The following ENPP6 variants were observed in gnomAD, a reference collection of about 807,000 sequenced individuals.
ENPP6 encodes ectonucleotide pyrophosphatase/phosphodiesterase 6.
Under a neutral mutation model 42.0 loss-of-function variants are expected in ENPP6, and 32 were observed. The observed-to-expected ratio is 0.76, with a 90% CI of 0.58 to 1.02. ENPP6 has a LOEUF of 1.02. Among genes scored for constraint, ENPP6 ranks in the 50% least tolerant of loss-of-function variants. ENPP6 has a pLI of 0.00. For synonymous variants in ENPP6, 213 were observed against 216.0 expected, an observed-to-expected ratio of 0.99 and a Z score of 0.12; for missense variants, 552 against 566.8, an observed-to-expected ratio of 0.97 and a Z score of 0.27.
At position 184,113,901 on chromosome 4, in the gene ENPP6, T is replaced by TTCTTTCTTTCTTTCTTTC. The variant is rs1560981823; in HGVS notation, c.856-1110_856-1093dup. On this transcript the variant is annotated intron_variant, in intron 5 of 7. Transcript: ENST00000296741. The stretch of plus-strand genomic sequence containing the variant: ...TTTCTTTTTCCTTCCTTTCTTTCTT[T>TTCTTTCTTTCTTTCTTTC]TCTTTCTTTCTTTCTTTCTTTCTTT... Among the ~76,000 whole-genome samples the TTCTTTCTTTCTTTCTTTC allele has an allele frequency of 1.1e-3, 66 of 61,054 alleles. 1 individual carries two copies. The highest frequency in any genetic ancestry group is 0.011 in the Admixed American group (58 of 5,432). The allele number at this position is 61,054 out of a possible 152,430, so 40.1% of individuals were successfully genotyped here.
At position 184,214,963 on chromosome 4, in the gene ENPP6, C is replaced by T. The variant is rs191148889; in HGVS notation, c.241+2616G>A. Reference sequence around the variant, plus strand: ...TGTATGCCTCTGTAACAAAACTGCACGTTCTGCACATGTGTCCCAGAATTT... The same window carrying T: ...TGTATGCCTCTGTAACAAAACTGCATGTTCTGCACATGTGTCCCAGAATTT... On this transcript the variant is annotated intron_variant, in intron 1 of 7. Transcript: ENST00000296741. Among the ~76,000 whole-genome samples, 6 of 152,240 alleles carry T rather than the reference C, an allele frequency of 3.9e-5. No homozygotes were observed. The East Asian group carries it at 5.8e-4, about 15-fold the overall frequency.
At chr4:184,130,763 T>C (rs948027552) in intron 2 of ENPP6, among the ~76,000 whole-genome samples, 2 of 151,936 alleles carry the variant, frequency 1.3e-5, no homozygotes, top group African/African-American at 2.4e-5. Flanking sequence ...TTATTATTAC[T>C]TATCTTAATG....
chr4:184,102,204 G>A lies in ENPP6; in HGVS notation c.994-4836C>T, dbSNP rs574726435. On this transcript the variant is annotated intron_variant, in intron 6 of 7. Coordinates refer to ENST00000296741, the MANE Select transcript of ENPP6 (RefSeq NM_153343.4). ...GTTCGACACTTGCCAGGGCCCATCC[G>A]TTTGCATTCAGCATTGTAGGATTCC... 2.2e-3 allele frequency among the ~76,000 whole-genome samples: 335 copies of A among 152,288 alleles called. 2 individuals are homozygous for A. The South Asian group carries it at 0.038, about 17-fold the overall frequency.
intron 7 of ENPP6, among the ~76,000 whole-genome samples, chr4:184,096,196 G>C (rs1434614432): frequency 6.6e-6 from 1 of 152,210 alleles, no homozygotes; most frequent in Non-Finnish European, 1.5e-5. Context: ...GGATTTTGTG[G>C]AAAGTAGAGT....
chr4:184,131,188 T>TCTTTCTTTCTTTCTTTCTTTCTTC lies in ENPP6; in HGVS notation c.422-6917_422-6916insGAAGAAAGAAAGAAAGAAAGAAAG, dbSNP rs1560987218. Among the ~76,000 whole-genome samples, 28 of 63,870 alleles carry TCTTTCTTTCTTTCTTTCTTTCTTC rather than the reference T, an allele frequency of 4.4e-4. 1 individual carries two copies. The highest frequency in any genetic ancestry group is 1.9e-3 in the African/African-American group (27 of 14,542). 41.9% of individuals were successfully genotyped at this position (63,870 alleles called of 152,430 possible). A position where few individuals can be genotyped will look rare whatever the true frequency, so the allele number is the denominator to read the frequency against. On this transcript the variant is annotated intron_variant, in intron 2 of 7. Coordinates refer to ENST00000296741, the MANE Select transcript of ENPP6 (RefSeq NM_153343.4). ...TTCTTTCTTTCTTTCTTTCTTTCTT[T>TCTTTCTTTCTTTCTTTCTTTCTTC]CTTTCTTTCTTTCTTCTTTCTTTCT...
At chr4:184,131,194 TTTCTTTC>T (rs758908889) in intron 2 of ENPP6, among the ~76,000 whole-genome samples, 3,832 of 60,146 alleles carry the variant, frequency 0.064, 179 homozygotes, top group Non-Finnish European at 0.081. Context: ...TCTTTCTTTC[TTTCTTTC>T]TTCTTTCTTT....
intron 2 of ENPP6, among the ~76,000 whole-genome samples, chr4:184,146,101 T>A (rs1736915288): frequency 6.6e-6 from 1 of 152,008 alleles, no homozygotes; most frequent in Non-Finnish European, 1.5e-5. Flanking sequence ...CAGTTCATTT[T>A]CAGCCAATTT....
At chr4:184,181,284 T>G (rs891945869) in intron 1 of ENPP6, among the ~76,000 whole-genome samples, 4 of 152,034 alleles carry the variant, frequency 2.6e-5, no homozygotes, top group Admixed American at 6.6e-5. Context: ...AATGAAATAC[T>G]TAGGAATACA....
chr4:184,158,232 T>C (rs1737206611), intron 1 of ENPP6, among the ~76,000 whole-genome samples: 1 of 152,240 alleles, frequency 6.6e-6, no homozygotes, highest in South Asian at 2.1e-4. Context: ...TACTAATTAC[T>C]GTCTGCATGA....
chr4:184,113,959 C>CTTTCTTTCTT (rs1560982004), intron 5 of ENPP6, among the ~76,000 whole-genome samples: 5 of 128,796 alleles, frequency 3.9e-5, no homozygotes, highest in Non-Finnish European at 8.5e-5. Flanking sequence ...TTCTTTCTTT[C>CTTTCTTTCTT]TTTCTCTCTT....
intron 1 of ENPP6, among the ~76,000 whole-genome samples, chr4:184,196,309 T>C (rs1732801055): frequency 6.6e-6 from 1 of 152,274 alleles, no homozygotes; most frequent in South Asian, 2.1e-4. Context: ...ACGATTATAT[T>C]CATTTTGACA....
At chr4:184,121,288 A>G (rs4861601) in intron 3 of ENPP6, among the ~76,000 whole-genome samples, 107,038 of 152,114 alleles carry the variant, frequency 0.7, 38,206 homozygotes, top group African/African-American at 0.81. Context: ...GGAATGCCTG[A>G]ATCAAACTTG....
chr4:184,146,137 A>T (rs1405382210), intron 2 of ENPP6, among the ~76,000 whole-genome samples: 1 of 151,786 alleles, frequency 6.6e-6, no homozygotes, highest in African/African-American at 2.4e-5. Flanking sequence ...CAATGTTTAG[A>T]AATTAGTTGA....
At chr4:184,199,943 C>T (rs1335610824) in intron 1 of ENPP6, among the ~76,000 whole-genome samples, 1 of 152,186 alleles carries the variant, frequency 6.6e-6, no homozygotes, top group Non-Finnish European at 1.5e-5. Context: ...ATAATTTGTG[C>T]TCCTAATGTC....
At chr4:184,145,849 A>G (rs1736909403) in intron 2 of ENPP6, among the ~76,000 whole-genome samples, 4 of 152,196 alleles carry the variant, frequency 2.6e-5, no homozygotes, top group African/African-American at 9.7e-5. Flanking sequence ...CTGTAAACCC[A>G]TAGGGGCCAG....
At chr4:184,117,663 C>T in intron 4 of ENPP6, 96 bp downstream of exon 4, 1 of 1,552,062 alleles carries the variant, frequency 6.4e-7, no homozygotes, top group Admixed American at 1.7e-5. Context: ...TGGCCTTTAG[C>T]AGTAAGAGGG....
intron 1 of ENPP6, among the ~76,000 whole-genome samples, chr4:184,185,074 T>A (rs1732609180): frequency 6.6e-6 from 1 of 152,186 alleles, no homozygotes; most frequent in African/African-American, 2.4e-5. Context: ...ATTGTATGAA[T>A]CCTGAGATAA....
intron 1 of ENPP6, among the ~76,000 whole-genome samples, chr4:184,154,428 C>T (rs1737119117): frequency 1.3e-5 from 2 of 152,154 alleles, no homozygotes; most frequent in South Asian, 4.1e-4. Context: ...CAATCTGTTA[C>T]ATCTTTAAAG....
At position 184,184,715 on chromosome 4, in the gene ENPP6, G is replaced by A. The variant is rs1732603379; in HGVS notation, c.242-30982C>T. On this transcript the variant is annotated intron_variant, in intron 1 of 7. Coordinates refer to ENST00000296741, the MANE Select transcript of ENPP6 (RefSeq NM_153343.4). This position sits in a 1 kb window ranked among gnomAD's most constrained non-coding sequence, Gnocchi z 4.7. Reference sequence around the variant, plus strand: ...CAGTCACATGTCAATAGAGGCAGAGGTGGAAGTGATGGGTCCACAGGCCCA... The same window carrying A: ...CAGTCACATGTCAATAGAGGCAGAGATGGAAGTGATGGGTCCACAGGCCCA... Among the ~76,000 whole-genome samples, 1 of 152,184 alleles carries A rather than the reference G, an allele frequency of 6.6e-6. No individual in the cohort carries two copies. Among genetic ancestry groups the A allele is most frequent in the African/African-American group, 2.4e-5 (1 of 41,440 alleles).
Sources: allele counts gnomAD v4.1 joint callset (sites outside exome capture counted in the v4.1 genomes callset), GRCh38; gene constraint gnomAD v4.1.1; non-coding constraint Gnocchi (gnomAD v3.1); transcripts MANE v1.5; gene names NCBI Gene and HGNC (gene_info 2026-07-23, HGNC 2026-07-21).